NSUN7: variants seen among roughly 807,000 people sequenced by gnomAD.
NSUN7 encodes the protein protein NSUN7.
A neutral mutation model predicts 58.5 loss-of-function variants in NSUN7; 39 were observed. The ratio of observed to expected loss-of-function variants is 0.67; its 90% confidence interval spans 0.52 to 0.87. NSUN7 has a LOEUF of 0.87. Ranked by LOEUF, NSUN7 falls within the 40% of genes least tolerant of loss-of-function variation. NSUN7 has a pLI of 0.00. For synonymous variants in NSUN7, 278 were observed against 303.7 expected, an observed-to-expected ratio of 0.92 and a Z score of 0.88; for missense variants, 765 against 844.1, an observed-to-expected ratio of 0.91 and a Z score of 1.16.
chr4:40,789,997 A>G (rs1743003901), intron 7 of NSUN7, among the ~76,000 whole-genome samples: 1 of 151,324 alleles, frequency 6.6e-6, no homozygotes, highest in Non-Finnish European at 1.5e-5. Flanking sequence ...GATGTTTTAC[A>G]CCAGTTTGTA....
At chr4:40,807,780 G>A (rs1297862011) in intron 11 of NSUN7, among the ~76,000 whole-genome samples, 3 of 152,032 alleles carry the variant, frequency 2.0e-5, no homozygotes, top group Admixed American at 2.0e-4. Context: ...GGGGGCTCAA[G>A]CCTGTAAGCC....
At chr4:40,800,194 G>A (rs1316227095) in intron 10 of NSUN7, among the ~76,000 whole-genome samples, 1 of 152,164 alleles carries the variant, frequency 6.6e-6, no homozygotes, top group Non-Finnish European at 1.5e-5. Context: ...GAAAACATGA[G>A]ATGTCGTTAC....
intron 4 of NSUN7, among the ~76,000 whole-genome samples, chr4:40,767,721 C>T (rs1423344984): frequency 1.3e-5 from 2 of 152,174 alleles, no homozygotes. Flanking sequence ...AACTCAAGGA[C>T]TCAGGAAGAG....
In NSUN7 at chr4:40,792,545, C is replaced by A. The variant is rs181920190; in HGVS notation, c.1180+1800C>A. 8.4e-3 allele frequency among the ~76,000 whole-genome samples: 1,278 copies of A among 151,994 alleles called. 21 individuals carry two copies. The highest frequency in any genetic ancestry group is 0.032 in the Admixed American group (494 of 15,264). Reference sequence around the variant, plus strand: ...GGAGGGCGGATCACGAGGTCAGGAGCTCGAGACCATCCTGGCTAACACGGT... The same window carrying A: ...GGAGGGCGGATCACGAGGTCAGGAGATCGAGACCATCCTGGCTAACACGGT... On this transcript the variant is annotated intron_variant, in intron 8 of 11. Transcript: ENST00000381782.
chr4:40,777,536 G>A (rs527991628), intron 7 of NSUN7, among the ~76,000 whole-genome samples: 168 of 152,108 alleles, frequency 1.1e-3, no homozygotes, highest in African/African-American at 3.9e-3. Context: ...GGCTGGTCTC[G>A]AACTCCTGAC....
intron 4 of NSUN7, among the ~76,000 whole-genome samples, chr4:40,768,517 A>G (rs1741846459): frequency 6.6e-6 from 1 of 152,186 alleles, no homozygotes; most frequent in Non-Finnish European, 1.5e-5. Context: ...AAGAGGTTAT[A>G]GAAGAAGAAG....
At chr4:40,797,838 C>G (rs34983292) in intron 9 of NSUN7, among the ~76,000 whole-genome samples, 20,339 of 152,168 alleles carry the variant, frequency 0.13, 1,568 homozygotes, top group Non-Finnish European at 0.17. Flanking sequence ...ATCTGGGGCT[C>G]AGACCATGCT....
chr4:40,782,823 A>G (rs913332768), intron 7 of NSUN7, among the ~76,000 whole-genome samples: 4 of 152,286 alleles, frequency 2.6e-5, no homozygotes, highest in Admixed American at 2.6e-4. Context: ...GAGCTGGTTC[A>G]TGCCACTGCA....
In NSUN7 at chr4:40,777,336, T is replaced by C. The variant is rs554825477; in HGVS notation, c.1036+1077T>C. On this transcript the variant is annotated intron_variant, in intron 7 of 11. Coordinates refer to ENST00000381782, the MANE Select transcript of NSUN7 (RefSeq NM_024677.6). ...TAATTTTTTTCATTTTTTTAAATTT[T>C]TTTTTATTTTTCTGAGATGGAGTCT... Among the ~76,000 whole-genome samples, 3 of 152,268 alleles carry C rather than the reference T, an allele frequency of 2.0e-5. No homozygotes were observed. The South Asian group carries it at 6.2e-4, about 32-fold the overall frequency.
In NSUN7 at chr4:40,810,677, T is replaced by G. The variant is rs1386741742; in HGVS notation, c.*1738T>G. On this transcript the variant is annotated 3_prime_UTR_variant, in exon 12 of 12. Coordinates refer to ENST00000381782, the MANE Select transcript of NSUN7 (RefSeq NM_024677.6). ...TGTATTTTAAATCCCTGAAGAAGAA[T>G]TCTTCATGTTATCACTCTTGTACAG... The G allele has an allele frequency of 2.0e-5, 3 of 151,716 alleles. No homozygotes were observed. The highest frequency in any genetic ancestry group is 4.8e-5 in the African/African-American group (2 of 41,326). The allele number at this position is 151,716 out of a possible 1,614,324, so 9.4% of individuals were successfully genotyped here.
chr4:40,802,497 A>G (rs1743627622), intron 10 of NSUN7, among the ~76,000 whole-genome samples: 1 of 152,092 alleles, frequency 6.6e-6, no homozygotes. Flanking sequence ...GTCCCTTTTT[A>G]TTATGTGATG....
intron 7 of NSUN7, among the ~76,000 whole-genome samples, chr4:40,787,289 C>T (rs1198541741): frequency 6.6e-6 from 1 of 151,290 alleles, no homozygotes; most frequent in African/African-American, 2.4e-5. Flanking sequence ...CCACATCCCC[C>T]TCTCCGAGAA....
At chr4:40,786,203 C>G in intron 7 of NSUN7, 1 of 1,613,958 alleles carries the variant, frequency 6.2e-7, no homozygotes, top group Non-Finnish European at 8.5e-7. Context: ...TTGGACTGTG[C>G]TGGAAAGACA....
chr4:40,786,774 G>A (rs1742844676), intron 7 of NSUN7: 1 of 1,457,950 alleles, frequency 6.9e-7, no homozygotes, highest in African/African-American at 1.4e-5. Flanking sequence ...TTGACAAATA[G>A]AAGAGTGTCT....
At chr4:40,800,162 A>AAT (rs1262033740) in intron 10 of NSUN7, among the ~76,000 whole-genome samples, 1 of 152,142 alleles carries the variant, frequency 6.6e-6, no homozygotes, top group African/African-American at 2.4e-5. Context: ...TCAGACTTAA[A>AAT]ATCTTTACTC....
chr4:40,781,739 C>A (rs1255154673), intron 7 of NSUN7, among the ~76,000 whole-genome samples: 2 of 152,160 alleles, frequency 1.3e-5, no homozygotes, highest in African/African-American at 4.8e-5. Context: ...AGCCACTGTG[C>A]CCGGTCAGTC....
At position 40,774,290 on chromosome 4, in the gene NSUN7, T is replaced by C. The variant is rs1259348967; in HGVS notation, c.514T>C (p.Leu172=). The change falls in exon 5 of 12, where the codon TTG becomes CTG. Residue 172 remains leucine, a synonymous_variant. Coordinates refer to ENST00000381782, the MANE Select transcript of NSUN7 (RefSeq NM_024677.6). ...TTTTAAGATAAAATTGGCTGCAGCA[T>C]TGGCAAGATGTCGAATCAAGCATGA... ...NSFKIKLAAA[L]ARCRIKHDAL... 5 of 1,614,144 alleles carry C rather than the reference T, an allele frequency of 3.1e-6. No individual in the cohort carries two copies. Among genetic ancestry groups the C allele is most frequent in the Non-Finnish European group, 4.2e-6 (5 of 1,179,986 alleles).
chr4:40,796,368 T>C (rs1037608573), intron 9 of NSUN7, among the ~76,000 whole-genome samples: 6 of 151,710 alleles, frequency 4.0e-5, no homozygotes, highest in African/African-American at 1.5e-4. Flanking sequence ...GGGCTAGGCA[T>C]GGTGGCTCAT....
At chr4:40,753,208 G>GATAGATT (rs1740923323) in intron 2 of NSUN7, among the ~76,000 whole-genome samples, 1 of 151,568 alleles carries the variant, frequency 6.6e-6, no homozygotes, top group African/African-American at 2.4e-5. Flanking sequence ...TGATATGTGT[G>GATAGATT]ATAGATTATT....
Sources: gnomAD v4.1 joint callset for allele counts (sites outside exome capture counted in the v4.1 genomes callset) on GRCh38, gnomAD v4.1.1 for gene constraint, MANE v1.5 for transcripts, NCBI Gene and HGNC (gene_info 2026-07-23, HGNC 2026-07-21) for gene names.